SHISA9: variants seen among roughly 807,000 people sequenced by gnomAD.
The protein encoded by SHISA9 is protein shisa-9.
Under a neutral mutation model 38.0 loss-of-function variants are expected in SHISA9, and 13 were observed. That is an observed-to-expected ratio of 0.34 (90% CI 0.22 to 0.54). The LOEUF is 0.54. SHISA9 is among the 20% of genes least tolerant of loss of function. SHISA9 has a pLI of 0.91. For missense variants in SHISA9, 538 were observed against 575.8 expected (o/e 0.93, Z 0.67); for synonymous variants, 275 against 242.0 (o/e 1.14, Z -1.27).
At chr16:13,418,468 C>T in the SHISA9 span, among the ~76,000 whole-genome samples, 1 of 152,170 alleles carries the variant, frequency 6.6e-6, no homozygotes, top group Non-Finnish European at 1.5e-5. Context: ...AGAACTACTT[C>T]ACTCATATGC....
chr16:13,121,447 G>C (rs113185190), intron 2 of SHISA9, among the ~76,000 whole-genome samples: 1 of 152,234 alleles, frequency 6.6e-6, no homozygotes, highest in East Asian at 1.9e-4. Flanking sequence ...AGGTATGATC[G>C]TGCCACTGTG....
the SHISA9 span, chr16:13,562,793 C>G: frequency 6.6e-6 from 1 of 151,978 alleles, no homozygotes; most frequent in Non-Finnish European, 1.5e-5. Flanking sequence ...CTAAATCCAC[C>G]AGACTGTTGG....
At chr16:13,462,738 G>C in the SHISA9 span, among the ~76,000 whole-genome samples, 2 of 151,914 alleles carry the variant, frequency 1.3e-5, no homozygotes, top group Admixed American at 1.3e-4. Flanking sequence ...GAGGCGGGGG[G>C]ATCACCTGAA....
the SHISA9 span, among the ~76,000 whole-genome samples, chr16:13,409,154 G>A: frequency 6.6e-6 from 1 of 152,068 alleles, no homozygotes; most frequent in African/African-American, 2.4e-5. Flanking sequence ...TTGGCTGGGG[G>A]TAGTCGGAGA....
chr16:13,492,567 G>A, the SHISA9 span, among the ~76,000 whole-genome samples: 3 of 152,068 alleles, frequency 2.0e-5, no homozygotes, highest in Non-Finnish European at 2.9e-5. Context: ...GAAGACTGTC[G>A]GCTGCCAAAA....
At chr16:13,204,880 C>T (rs1280170689) in intron 3 of SHISA9, 1 of 152,230 alleles carries the variant, frequency 6.6e-6, no homozygotes, top group South Asian at 2.1e-4. Flanking sequence ...CTGCTTCCAC[C>T]ACTGTCCTGG....
At chr16:13,240,673 C>T (rs919774563), downstream of SHISA9, among the ~76,000 whole-genome samples, 3 of 152,168 alleles carry the variant, frequency 2.0e-5, no homozygotes, top group Admixed American at 6.5e-5. Context: ...TCTATTGTTG[C>T]TAGGTTTCCT....
chr16:13,463,220 A>T, the SHISA9 span, among the ~76,000 whole-genome samples: 1 of 152,180 alleles, frequency 6.6e-6, no homozygotes, highest in Non-Finnish European at 1.5e-5. Context: ...TGTGAAGGAT[A>T]GATTGGGAAG....
the SHISA9 span, among the ~76,000 whole-genome samples, chr16:13,416,165 A>G: frequency 2.0e-5 from 3 of 152,238 alleles, no homozygotes; most frequent in Non-Finnish European, 2.9e-5. Context: ...TAAAATTCAC[A>G]CAAAGTTAAG....
At chr16:13,355,932 C>A in the SHISA9 span, among the ~76,000 whole-genome samples, 1 of 152,130 alleles carries the variant, frequency 6.6e-6, no homozygotes, top group African/African-American at 2.4e-5. Context: ...TTGAACAGTC[C>A]GATTTTCAGT....
chr16:13,139,447 C>CTT (rs1470448521), intron 2 of SHISA9, among the ~76,000 whole-genome samples: 11 of 102,970 alleles, frequency 1.1e-4, no homozygotes, highest in African/African-American at 4.9e-4. Context: ...TCTTCCTCTT[C>CTT]CTCTCCCTCT....
chr16:13,001,246 A>G (rs1400248841), intron 2 of SHISA9, among the ~76,000 whole-genome samples: 5 of 152,114 alleles, frequency 3.3e-5, no homozygotes, highest in Non-Finnish European at 4.4e-5. Flanking sequence ...TCTTTTTGAG[A>G]TGCAACTTTC....
chr16:12,954,436 A>T (rs540334142), intron 2 of SHISA9, among the ~76,000 whole-genome samples: 2 of 152,198 alleles, frequency 1.3e-5, no homozygotes, highest in African/African-American at 4.8e-5. Flanking sequence ...GGAGGATTAC[A>T]TGGGGAATCA....
the SHISA9 span, among the ~76,000 whole-genome samples, chr16:13,254,399 A>G: frequency 2.0e-5 from 3 of 152,344 alleles, no homozygotes; most frequent in East Asian, 5.8e-4. Flanking sequence ...CAGCATGACC[A>G]TCAGTTCCAA....
chr16:13,245,062 C>T (rs112785924), downstream of SHISA9, among the ~76,000 whole-genome samples: 3,712 of 151,904 alleles, frequency 0.024, 62 homozygotes, highest in Non-Finnish European at 0.038. Flanking sequence ...ACTACAGGTA[C>T]GTGCCACCAT....
chr16:13,457,842 G>A, the SHISA9 span, among the ~76,000 whole-genome samples: 1 of 152,010 alleles, frequency 6.6e-6, no homozygotes, highest in Non-Finnish European at 1.5e-5. Context: ...AATCACATAT[G>A]AGAAATAGTA....
At chr16:12,909,436 G>A in intron 1 of SHISA9, 1 of 985,412 alleles carries the variant, frequency 1.0e-6, no homozygotes, top group Non-Finnish European at 1.2e-6. Context: ...ATTGGACATT[G>A]GGATACCTGG....
At position 13,026,537 on chromosome 16, in the gene SHISA9, T is replaced by C. The variant is rs186136771; in HGVS notation, c.691+109722T>C. Among the ~76,000 whole-genome samples, 4 of 152,318 alleles carry C rather than the reference T, an allele frequency of 2.6e-5. No individual in the cohort carries two copies. In the East Asian group the frequency reaches 7.7e-4, roughly 29 times the overall value. The stretch of plus-strand genomic sequence containing the variant: ...TTTGTGAATAATGCTGCAATGGACA[T>C]GGGAGTGCAGATATCTCTTTGAGTT... On this transcript the variant is annotated intron_variant, in intron 2 of 4. Coordinates refer to ENST00000558583, the MANE Select transcript of SHISA9 (RefSeq NM_001145204.3).
chr16:13,307,457 A>G, the SHISA9 span, among the ~76,000 whole-genome samples: 1 of 152,192 alleles, frequency 6.6e-6, no homozygotes, highest in Non-Finnish European at 1.5e-5. Flanking sequence ...CTGTTCTAGT[A>G]GAAGCACGTG....
Sources: allele counts gnomAD v4.1 joint callset (sites outside exome capture counted in the v4.1 genomes callset), GRCh38; gene constraint gnomAD v4.1.1; transcripts MANE v1.5; gene names NCBI Gene and HGNC (gene_info 2026-07-23, HGNC 2026-07-21).